Variants in RANBP2 observed in about 807,000 individuals in gnomAD.
RANBP2 encodes the protein RAN binding protein 2.
In RANBP2, 57 loss-of-function variants were observed where a neutral mutation model predicts 303.6. The ratio of observed to expected loss-of-function variants is 0.19; its 90% confidence interval spans 0.15 to 0.23. The LOEUF (loss-of-function observed/expected upper bound fraction) is 0.23, where lower values mean the gene tolerates loss of function less well. RANBP2 is among the 10% of genes least tolerant of loss of function. The pLI, the probability that RANBP2 is intolerant of heterozygous loss-of-function variation, is 1.00. For synonymous variants in RANBP2, 1,167 were observed against 1,301.5 expected, an observed-to-expected ratio of 0.90 and a Z score of 2.23; for missense variants, 3,138 against 3,780.8, an observed-to-expected ratio of 0.83 and a Z score of 4.46.
At chr2:109,338,792 A>C in the RANBP2 span, among the ~76,000 whole-genome samples, 1 of 152,182 alleles carries the variant, frequency 6.6e-6, no homozygotes, top group Admixed American at 6.5e-5. Flanking sequence ...TCTTGACCTC[A>C]GGTGATCCAC....
chr2:108,722,433 A>G (rs991615735), intron 1 of RANBP2, among the ~76,000 whole-genome samples: 26 of 151,972 alleles, frequency 1.7e-4, no homozygotes, highest in Admixed American at 1.5e-3. Flanking sequence ...GAGAAGAGGC[A>G]GTGGCTGTGA....
At chr2:109,538,072 G>A in the RANBP2 span, among the ~76,000 whole-genome samples, 8 of 152,210 alleles carry the variant, frequency 5.3e-5, no homozygotes, top group African/African-American at 1.9e-4. Flanking sequence ...GCAGGGCTGT[G>A]TTCCTTCTGG....
chr2:109,277,202 A>G, the RANBP2 span, among the ~76,000 whole-genome samples: 4 of 152,128 alleles, frequency 2.6e-5, no homozygotes. Flanking sequence ...TTTCAGTCGC[A>G]TCTGTGCCTG....
At chr2:109,195,226 CTAG>C in the RANBP2 span, among the ~76,000 whole-genome samples, 1 of 152,114 alleles carries the variant, frequency 6.6e-6, no homozygotes, top group African/African-American at 2.4e-5. Flanking sequence ...AGGACTAGGA[CTAG>C]GACTGCCTAC....
chr2:109,562,937 G>A, the RANBP2 span, among the ~76,000 whole-genome samples: 1 of 151,338 alleles, frequency 6.6e-6, no homozygotes, highest in Non-Finnish European at 1.5e-5. Flanking sequence ...TTGAGATGGA[G>A]TCTCGCTCTG....
At chr2:108,864,538 C>T in the RANBP2 span, among the ~76,000 whole-genome samples, 1 of 151,968 alleles carries the variant, frequency 6.6e-6, no homozygotes, top group Non-Finnish European at 1.5e-5. Flanking sequence ...TGGCTCACAC[C>T]TGTAATCCCA....
At chr2:108,842,995 A>C in the RANBP2 span, among the ~76,000 whole-genome samples, 2 of 152,172 alleles carry the variant, frequency 1.3e-5, no homozygotes, top group Non-Finnish European at 2.9e-5. Flanking sequence ...TTCAACCGTC[A>C]AACAGAATTT....
chr2:108,945,916 A>G, the RANBP2 span, among the ~76,000 whole-genome samples: 11 of 152,230 alleles, frequency 7.2e-5, 1 homozygote, highest in Admixed American at 1.3e-4. Flanking sequence ...TTACTTTGTC[A>G]TGAAGATGCC....
At chr2:109,078,226 G>A in the RANBP2 span, among the ~76,000 whole-genome samples, 27 of 44,964 alleles carry the variant, frequency 6.0e-4, 1 homozygote, top group Admixed American at 2.4e-3. Flanking sequence ...TATATATAGC[G>A]TGTATATATA....
At chr2:109,068,388 T>C in the RANBP2 span, among the ~76,000 whole-genome samples, 1 of 152,122 alleles carries the variant, frequency 6.6e-6, no homozygotes, top group South Asian at 2.1e-4. Context: ...GAGAAGAGGT[T>C]GAGAAACCCG....
the RANBP2 span, among the ~76,000 whole-genome samples, chr2:109,351,744 C>G: frequency 6.6e-6 from 1 of 152,212 alleles, no homozygotes; most frequent in Admixed American, 6.5e-5. Context: ...AGCCCTAATC[C>G]CTACCAGGTG....
chr2:109,691,223 A>G, the RANBP2 span, among the ~76,000 whole-genome samples: 10 of 152,230 alleles, frequency 6.6e-5, no homozygotes, highest in Non-Finnish European at 5.9e-5. Context: ...AAGTAACGCA[A>G]CCAGGCCCCA....
the RANBP2 span, among the ~76,000 whole-genome samples, chr2:109,203,221 AGCCTCTTCAGAGAGCCCCAGG>A: frequency 6.6e-6 from 1 of 152,200 alleles, no homozygotes; most frequent in East Asian, 1.9e-4. Context: ...GAGAGCCAGG[AGCCTCTTCAGAGAGCCCCAGG>A]GCAGCATCAG....
chr2:109,321,013 G>A, the RANBP2 span, among the ~76,000 whole-genome samples: 4 of 152,220 alleles, frequency 2.6e-5, no homozygotes, highest in African/African-American at 9.6e-5. Context: ...TACATAGATT[G>A]TTCCATGGGA....
the RANBP2 span, among the ~76,000 whole-genome samples, chr2:108,946,148 T>G: frequency 4.6e-5 from 7 of 152,180 alleles, no homozygotes; most frequent in Non-Finnish European, 1.0e-4. Context: ...CCCTGTGAGA[T>G]GTGCTCGGAG....
At chr2:109,602,531 T>C in the RANBP2 span, among the ~76,000 whole-genome samples, 1 of 151,850 alleles carries the variant, frequency 6.6e-6, no homozygotes. Context: ...CAAAATTAGC[T>C]GAGTGTGGTG....
At chr2:109,046,075 T>C in the RANBP2 span, among the ~76,000 whole-genome samples, 147,889 of 151,950 alleles carry the variant, frequency 0.97, 72,096 homozygotes, top group Middle Eastern at 1. Flanking sequence ...GAGGCCGAGG[T>C]GGGCAGATCA....
At chr2:109,294,589 TAAA>T in the RANBP2 span, among the ~76,000 whole-genome samples, 1 of 141,414 alleles carries the variant, frequency 7.1e-6, no homozygotes. Flanking sequence ...AAAAAAAAGG[TAAA>T]AAAAAAAAAA....
chr2:108,753,782 G>A lies in RANBP2; in HGVS notation c.2056-43G>A, dbSNP rs773666937. ...TGCGTGGCCAAGCTAAAAGTTTTTT[G>A]TTTTAAAAACCTAATGATTTCATAA... On this transcript the variant is annotated intron_variant, in intron 14 of 28. Coordinates refer to ENST00000283195, the MANE Select transcript of RANBP2 (RefSeq NM_006267.5). The A allele has an allele frequency of 8.1e-6, 13 of 1,611,374 alleles. 1 individual carries two copies. The South Asian group carries it at 1.4e-4, about 18-fold the overall frequency.
Sources: gnomAD v4.1 joint callset for allele counts (sites outside exome capture counted in the v4.1 genomes callset) on GRCh38, gnomAD v4.1.1 for gene constraint, MANE v1.5 for transcripts, NCBI Gene and HGNC (gene_info 2026-07-23, HGNC 2026-07-21) for gene names.